SAMD3: variants seen among roughly 807,000 people sequenced by gnomAD.
SAMD3 encodes the protein sterile alpha motif domain-containing protein 3.
Under a neutral mutation model 58.5 loss-of-function variants are expected in SAMD3, and 63 were observed. The observed-to-expected ratio is 1.08, with a 90% CI of 0.88 to 1.33. The LOEUF (loss-of-function observed/expected upper bound fraction) is 1.33, where lower values mean the gene tolerates loss of function less well. Among genes scored for constraint, SAMD3 ranks in the 40% most tolerant of loss-of-function variants. The pLI is 0.00. For missense variants in SAMD3, 604 were observed against 608.4 expected (o/e 0.99, Z 0.08); for synonymous variants, 220 against 210.3 (o/e 1.05, Z -0.40).
At chr6:130,154,749 AT>A in intron 9 of SAMD3, 75 bp downstream of exon 9, 1 of 407,154 alleles carries the variant, frequency 2.5e-6, no homozygotes, top group Non-Finnish European at 4.2e-6. Context: ...ATATGTATGT[AT>A]ATATAATATT....
intron 1 of SAMD3, among the ~76,000 whole-genome samples, chr6:130,350,776 C>A (rs895020501): frequency 1.3e-5 from 2 of 152,202 alleles, no homozygotes. Flanking sequence ...CAATCTTAAG[C>A]CAAAAGTTTA....
At chr6:130,162,321 CAGA>C (rs1204732008) in intron 8 of SAMD3, 21 of 700,776 alleles carry the variant, frequency 3.0e-5, no homozygotes, top group Non-Finnish European at 2.1e-5. Context: ...TTGATTTCAA[CAGA>C]AGAATGAGTC....
intron 5 of SAMD3, among the ~76,000 whole-genome samples, chr6:130,205,886 AC>A (rs563741997): frequency 5.9e-5 from 9 of 152,320 alleles, no homozygotes; most frequent in African/African-American, 2.2e-4. Context: ...AGAACCATAC[AC>A]CATGACACAA....
chr6:130,324,912 C>A (rs1315627187), intron 1 of SAMD3, among the ~76,000 whole-genome samples: 1 of 152,094 alleles, frequency 6.6e-6, no homozygotes, highest in Non-Finnish European at 1.5e-5. Context: ...GCAGTCCAAT[C>A]TTGCCAAGGA....
chr6:130,160,480 G>T (rs1168508651), intron 8 of SAMD3: 2 of 152,114 alleles, frequency 1.3e-5, no homozygotes, highest in Non-Finnish European at 2.9e-5. Flanking sequence ...GGAAGATGAG[G>T]AACTGATCAG....
chr6:130,144,396 T>C lies in SAMD3; in HGVS notation c.*124A>G. 1 of 797,152 alleles carries C rather than the reference T, an allele frequency of 1.3e-6. No homozygotes were observed. The highest frequency in any genetic ancestry group is 2.0e-6 in the Non-Finnish European group (1 of 511,114). 49.4% of individuals were successfully genotyped at this position (797,152 alleles called of 1,614,324 possible). On this transcript the variant is annotated 3_prime_UTR_variant, in exon 12 of 12. Coordinates refer to ENST00000439090, the MANE Select transcript of SAMD3 (RefSeq NM_001017373.4). The stretch of plus-strand genomic sequence containing the variant: ...AAAGATAGAAAGCATTGAAATTCAT[T>C]AGCATCTATAAATACAAGATGATTT...
intron 1 of SAMD3, among the ~76,000 whole-genome samples, chr6:130,316,626 C>T (rs1049918146): frequency 2.0e-5 from 3 of 152,100 alleles, no homozygotes; most frequent in Non-Finnish European, 4.4e-5. Flanking sequence ...TTAGGAAATG[C>T]TTGGCCCAAG....
At chr6:130,183,215 G>T (rs1280675269) in intron 7 of SAMD3, 1 of 377,676 alleles carries the variant, frequency 2.6e-6, no homozygotes, top group East Asian at 7.3e-5. Flanking sequence ...GAATCCTAAT[G>T]TGCAACCAGA....
intron 7 of SAMD3, among the ~76,000 whole-genome samples, chr6:130,179,479 C>T (rs961273326): frequency 6.6e-6 from 1 of 151,990 alleles, no homozygotes; most frequent in African/African-American, 2.4e-5. Flanking sequence ...CAGTCCACAG[C>T]ATCACGAGCA....
intron 2 of SAMD3, among the ~76,000 whole-genome samples, chr6:130,234,917 A>C (rs1018487380): frequency 2.0e-5 from 3 of 152,232 alleles, no homozygotes; most frequent in African/African-American, 7.2e-5. Flanking sequence ...GTTCGAGAAC[A>C]GTCTGGGCAA....
chr6:130,315,149 TG>T (rs940186952), intron 1 of SAMD3, among the ~76,000 whole-genome samples: 2 of 152,294 alleles, frequency 1.3e-5, no homozygotes, highest in African/African-American at 4.8e-5. Context: ...TGGCATGTTG[TG>T]TAACCTATGT....
intron 1 of SAMD3, among the ~76,000 whole-genome samples, chr6:130,321,021 A>G (rs1776567611): frequency 6.6e-6 from 1 of 152,142 alleles, no homozygotes; most frequent in African/African-American, 2.4e-5. Flanking sequence ...CTCTCATCCA[A>G]TATCACTTTG....
intron 1 of SAMD3, among the ~76,000 whole-genome samples, chr6:130,343,954 G>T (rs1777356942): frequency 1.4e-5 from 2 of 142,544 alleles, no homozygotes; most frequent in Non-Finnish European, 3.0e-5. Flanking sequence ...GACAAAGTGA[G>T]ACTCTGTCTT....
rs184455776 is a variant in SAMD3 at position 130,228,684 on chromosome 6, G to A, written c.-187-5871C>T. Among the ~76,000 whole-genome samples, 6 of 152,326 alleles carry A rather than the reference G, an allele frequency of 3.9e-5. No homozygotes were observed. In the East Asian group the frequency reaches 7.7e-4, roughly 20 times the overall value. ...CAGAAACAAGGAAAGATGTTTTCAC[G>A]CATGTTCCTCCTTCTTGAGTCTTCT... On this transcript the variant is annotated intron_variant, in intron 2 of 13. Coordinates refer to the SAMD3 transcript ENST00000368134.
intron 1 of SAMD3, among the ~76,000 whole-genome samples, chr6:130,313,638 T>C (rs777875811): frequency 6.6e-6 from 1 of 152,212 alleles, no homozygotes; most frequent in Non-Finnish European, 1.5e-5. Context: ...TTTTCAGCTG[T>C]AAATCTCTCC....
chr6:130,309,502 A>G (rs1373806515), intron 2 of SAMD3, among the ~76,000 whole-genome samples: 1 of 152,202 alleles, frequency 6.6e-6, no homozygotes, highest in African/African-American at 2.4e-5. Flanking sequence ...CACAAAGTCA[A>G]TGCTAGTGCT....
intron 5 of SAMD3, 87 bp from the exon 6 acceptor site, chr6:130,184,710 T>G: frequency 8.7e-7 from 1 of 1,147,660 alleles, no homozygotes; most frequent in Non-Finnish European, 1.2e-6. Flanking sequence ...ACTTATGAAA[T>G]AAACAACTTT....
chr6:130,326,040 C>G (rs1224357541), intron 1 of SAMD3, among the ~76,000 whole-genome samples: 1 of 152,160 alleles, frequency 6.6e-6, no homozygotes, highest in Non-Finnish European at 1.5e-5. Context: ...TGAGCATAGT[C>G]CTTAAAACTC....
intron 1 of SAMD3, among the ~76,000 whole-genome samples, chr6:130,326,367 A>ATCTTTTTTTTTTT (rs1776760188): frequency 7.8e-6 from 1 of 128,834 alleles, no homozygotes; most frequent in African/African-American, 2.9e-5. Flanking sequence ...ATGCCTGGTC[A>ATCTTTTTTTTTTT]TTTTTTTTTT....
Sources: gnomAD v4.1 joint callset for allele counts (sites outside exome capture counted in the v4.1 genomes callset) on GRCh38, gnomAD v4.1.1 for gene constraint, MANE v1.5 for transcripts, NCBI Gene and HGNC (gene_info 2026-07-23, HGNC 2026-07-21) for gene names.